Variants in NRG1 observed in about 807,000 individuals in gnomAD.
The protein encoded by NRG1 is pro-neuregulin-1, membrane-bound isoform.
Under a neutral mutation model 63.8 loss-of-function variants are expected in NRG1, and 18 were observed. The observed-to-expected ratio is 0.28, with a 90% confidence interval of 0.19 to 0.42. The LOEUF (loss-of-function observed/expected upper bound fraction) is 0.42, where lower values mean the gene tolerates loss of function less well. Ranked by LOEUF, NRG1 falls within the 10% of genes least tolerant of loss-of-function variation. NRG1 has a pLI of 1.00. For missense variants in NRG1, 762 were observed against 814.7 expected, an observed-to-expected ratio of 0.94 and a Z score of 0.79; for synonymous variants, 302 against 301.3, an observed-to-expected ratio of 1.00 and a Z score of -0.02.
chr8:32,247,001 T>C (rs762611406), intron 1 of NRG1, among the ~76,000 whole-genome samples: 4 of 152,152 alleles, frequency 2.6e-5, no homozygotes, highest in Non-Finnish European at 5.9e-5. Flanking sequence ...TTTGAAGTGA[T>C]GTCGTTAACT....
At chr8:31,769,531 CA>C (rs1250653674) in intron 1 of NRG1, among the ~76,000 whole-genome samples, 1 of 152,016 alleles carries the variant, frequency 6.6e-6, no homozygotes, top group Non-Finnish European at 1.5e-5. Flanking sequence ...TAGGCAGAAT[CA>C]AAAGTAGGAG....
chr8:32,013,410 T>C (rs1815046298), intron 1 of NRG1, among the ~76,000 whole-genome samples: 1 of 152,084 alleles, frequency 6.6e-6, no homozygotes, highest in Admixed American at 6.6e-5. Flanking sequence ...AGAGAAAATG[T>C]TGGTGCTTAG....
chr8:31,796,997 A>G lies in NRG1; in HGVS notation c.37+157566A>G, dbSNP rs543827300. 2.6e-5 allele frequency among the ~76,000 whole-genome samples: 4 copies of G among 152,220 alleles called. No individual in the cohort carries two copies. The East Asian group carries it at 7.7e-4, about 29-fold the overall frequency. ...CCATTTCCAATCCGTTGTTAATGAA[A>G]TGTTATTTTTGGTGAAGTTCTGAGA... On this transcript the variant is annotated intron_variant, in intron 1 of 10. Coordinates refer to the NRG1 transcript ENST00000519301.
At chr8:32,170,300 A>G (rs11780219) in intron 1 of NRG1, among the ~76,000 whole-genome samples, 65,444 of 152,160 alleles carry the variant, frequency 0.43, 17,310 homozygotes, top group Admixed American at 0.58. Context: ...GGAGTAAAAG[A>G]TAACAGCTTC....
chr8:32,578,692 G>C (rs555155457), intron 1 of NRG1, among the ~76,000 whole-genome samples: 1 of 152,196 alleles, frequency 6.6e-6, no homozygotes, highest in Non-Finnish European at 1.5e-5. Flanking sequence ...CTTATTTCAG[G>C]ATGATTTCCC....
At chr8:32,252,902 G>A (rs900737949) in intron 1 of NRG1, among the ~76,000 whole-genome samples, 8 of 152,058 alleles carry the variant, frequency 5.3e-5, no homozygotes, top group South Asian at 2.1e-4. Flanking sequence ...CCTTGAAGAC[G>A]TCCTTCACAT....
chr8:32,214,305 T>C (rs1168779933), intron 1 of NRG1, among the ~76,000 whole-genome samples: 1 of 152,210 alleles, frequency 6.6e-6, no homozygotes, highest in Admixed American at 6.5e-5. Flanking sequence ...TATGCAAAGA[T>C]ATATCTTTAT....
intron 1 of NRG1, among the ~76,000 whole-genome samples, chr8:31,918,516 G>A (rs1003251822): frequency 7.2e-4 from 109 of 152,174 alleles, no homozygotes; most frequent in African/African-American, 2.2e-3. Context: ...ATTGATTTGC[G>A]TGTATTGAAC....
chr8:31,835,408 T>A (rs1236910884), intron 1 of NRG1, among the ~76,000 whole-genome samples: 1 of 152,230 alleles, frequency 6.6e-6, no homozygotes, highest in African/African-American at 2.4e-5. Flanking sequence ...AGTTTGTTTA[T>A]CTGTGTCTTT....
intron 5 of NRG1, among the ~76,000 whole-genome samples, chr8:32,619,195 C>T (rs1413090868): frequency 1.3e-5 from 2 of 152,066 alleles, no homozygotes; most frequent in Admixed American, 6.6e-5. Flanking sequence ...GCCTGGGTGA[C>T]AGAGGGAGAC....
chr8:32,431,595 T>A lies in NRG1; in HGVS notation c.38-164233T>A, dbSNP rs542721317. 1.5e-3 allele frequency among the ~76,000 whole-genome samples: 224 copies of A among 152,248 alleles called. 1 individual carries two copies. Among genetic ancestry groups the A allele is most frequent in the Non-Finnish European group, 2.7e-3 (186 of 68,006 alleles). ...TAATATTCTCAGAGTTCATCAGAAA[T>A]ACCTGTTTCCAAGGTCAAGACCCAC... is the stretch of plus-strand genomic sequence containing the variant. On this transcript the variant is annotated intron_variant, in intron 1 of 10. Coordinates refer to the NRG1 transcript ENST00000519301.
At chr8:32,216,969 T>G (rs1416761459) in intron 1 of NRG1, among the ~76,000 whole-genome samples, 2 of 151,922 alleles carry the variant, frequency 1.3e-5, no homozygotes, top group African/African-American at 4.8e-5. Flanking sequence ...TCCCTGCACT[T>G]TGGGAGACCA....
At chr8:32,345,544 C>T (rs1804772535) in intron 1 of NRG1, among the ~76,000 whole-genome samples, 1 of 152,110 alleles carries the variant, frequency 6.6e-6, no homozygotes, top group Non-Finnish European at 1.5e-5. Context: ...TTAAAAAGAC[C>T]CTCTTCTCCC....
intron 1 of NRG1, among the ~76,000 whole-genome samples, chr8:32,415,182 T>G (rs1055148869): frequency 6.6e-6 from 1 of 151,868 alleles, no homozygotes; most frequent in Admixed American, 6.6e-5. Context: ...CCGAGGCAGG[T>G]GGATCACCTG....
At chr8:31,927,653 T>G (rs1834487801) in intron 1 of NRG1, among the ~76,000 whole-genome samples, 1 of 149,076 alleles carries the variant, frequency 6.7e-6, no homozygotes, top group Non-Finnish European at 1.5e-5. Context: ...TTTCACCGTT[T>G]TAGCCGGGAT....
At chr8:32,534,407 T>TA (rs1307937848) in intron 1 of NRG1, among the ~76,000 whole-genome samples, 1 of 152,106 alleles carries the variant, frequency 6.6e-6, no homozygotes, top group African/African-American at 2.4e-5. Context: ...GGCATTTTCT[T>TA]AAAAAAATAG....
chr8:32,587,064 G>A (rs531574104), intron 1 of NRG1, among the ~76,000 whole-genome samples: 14 of 152,192 alleles, frequency 9.2e-5, no homozygotes, highest in African/African-American at 2.6e-4. Context: ...AAAGCCCAGC[G>A]TGGTGGTGTG....
chr8:32,607,410 C>T (rs1307750808), intron 3 of NRG1, among the ~76,000 whole-genome samples: 7 of 151,974 alleles, frequency 4.6e-5, no homozygotes, highest in East Asian at 1.9e-4. Flanking sequence ...GGATTTGATT[C>T]GTGTAGCTAT....
intron 1 of NRG1, among the ~76,000 whole-genome samples, chr8:32,003,858 A>G (rs1813327547): frequency 6.6e-6 from 1 of 151,932 alleles, no homozygotes; most frequent in Non-Finnish European, 1.5e-5. Context: ...CTCACCAGTT[A>G]TGGTGGATAC....
Sources: gnomAD v4.1 joint callset for allele counts (sites outside exome capture counted in the v4.1 genomes callset) on GRCh38, gnomAD v4.1.1 for gene constraint, MANE v1.5 for transcripts, NCBI Gene and HGNC (gene_info 2026-07-23, HGNC 2026-07-21) for gene names.